XKR4: variants seen among roughly 807,000 people sequenced by gnomAD.
The protein encoded by XKR4 is XK related 4, also known as XK-related protein 4.
A neutral mutation model predicts 53.9 loss-of-function variants in XKR4; 12 were observed. The ratio of observed to expected loss-of-function variants is 0.22; its 90% CI spans 0.14 to 0.36. XKR4 has a LOEUF of 0.36. XKR4 is among the 10% of genes least tolerant of loss of function. XKR4 has a pLI of 1.00. For missense variants in XKR4, 799 were observed against 859.5 expected (o/e 0.93, Z 0.88); for synonymous variants, 354 against 362.4 (o/e 0.98, Z 0.26).
Position 55,305,735 on chromosome 8 carries a change from A to G in XKR4, c.807-51943A>G, listed in dbSNP as rs569116035. On this transcript the variant is annotated intron_variant, in intron 1 of 2. Transcript: ENST00000327381. ...TGATGTTGGGGAAATTAGCCTAATG[A>G]GGTTCTAGCAGTTCTCATTCCCAAC... Among the ~76,000 whole-genome samples, 16 of 152,284 alleles carry G rather than the reference A, an allele frequency of 1.1e-4. No individual in the cohort carries two copies. In the East Asian group the frequency reaches 3.1e-3, roughly 29 times the overall value.
chr8:55,203,976 C>A (rs948363884), intron 1 of XKR4, among the ~76,000 whole-genome samples: 5 of 152,066 alleles, frequency 3.3e-5, no homozygotes, highest in Admixed American at 3.3e-4. Flanking sequence ...TAAAGTGAAT[C>A]CATAGTAGTT....
rs1199724114 is a variant in XKR4, at chr8:55,323,980, AT to A, written c.807-33697del. Among the ~76,000 whole-genome samples the A allele has an allele frequency of 1.2e-3, 190 of 152,292 alleles. 4 individuals carry two copies. The highest frequency in any genetic ancestry group is 3.5e-3 in the African/African-American group (146 of 41,560). ...CTCTGCTTTCATTCCTCTGCTAGGA[AT>A]GTCAACCTTTTCATTTACTTAAATG... On this transcript the variant is annotated intron_variant, in intron 1 of 2. Transcript: ENST00000327381.
At chr8:55,412,507 A>G (rs115784342) in intron 2 of XKR4, among the ~76,000 whole-genome samples, 348 of 152,268 alleles carry the variant, frequency 2.3e-3, no homozygotes, top group African/African-American at 8.0e-3. Context: ...CCTTATTCCC[A>G]ACATTTGCAC....
At chr8:55,268,951 G>C (rs958781986) in intron 1 of XKR4, among the ~76,000 whole-genome samples, 1 of 152,180 alleles carries the variant, frequency 6.6e-6, no homozygotes, top group East Asian at 1.9e-4. Flanking sequence ...TTGTGCTAAA[G>C]TGTGTGCAAA....
At position 55,102,331 on chromosome 8, in the gene XKR4, G is replaced by GCGGCGGC; in HGVS notation, c.-157_-151dup. The GCGGCGGC allele has an allele frequency of 2.0e-6, 2 of 1,008,424 alleles. No homozygotes were observed. The highest frequency in any genetic ancestry group is 4.6e-4 in the Middle Eastern group (1 of 2,154). 62.5% of individuals were successfully genotyped at this position (1,008,424 alleles called of 1,614,324 possible). A position where few individuals can be genotyped will look rare whatever the true frequency, so the allele number is the denominator to read the frequency against. On this transcript the variant is annotated 5_prime_UTR_variant, in exon 1 of 3. Coordinates refer to ENST00000327381, the MANE Select transcript of XKR4 (RefSeq NM_052898.2). This position sits in a 1 kb window ranked among gnomAD's most constrained non-coding sequence, Gnocchi z 5.1. ...CAGCGCCCAGCCCGGCGGGCGGCGG[G>GCGGCGGC]CGGCGGCGGACGGCAGGCGAGCCGA...
At chr8:55,331,520 C>T (rs1020005423) in intron 1 of XKR4, among the ~76,000 whole-genome samples, 6 of 151,916 alleles carry the variant, frequency 3.9e-5, no homozygotes, top group Non-Finnish European at 8.8e-5. Flanking sequence ...TTTTTTAGTG[C>T]TCTATCCATT....
At chr8:55,511,291 A>G (rs1195446639) in intron 2 of XKR4, among the ~76,000 whole-genome samples, 3 of 152,160 alleles carry the variant, frequency 2.0e-5, no homozygotes, top group Non-Finnish European at 4.4e-5. Context: ...GTAAAAGGTG[A>G]GGTATTTTTA....
At chr8:55,133,913 T>C (rs975900957) in intron 1 of XKR4, among the ~76,000 whole-genome samples, 2 of 152,236 alleles carry the variant, frequency 1.3e-5, no homozygotes, top group African/African-American at 4.8e-5. Flanking sequence ...TAGAAGCTTC[T>C]CAGCTGTGCA....
At chr8:55,126,733 T>A (rs762595488) in intron 1 of XKR4, among the ~76,000 whole-genome samples, 6 of 152,216 alleles carry the variant, frequency 3.9e-5, no homozygotes, top group Non-Finnish European at 8.8e-5. Context: ...CTTTGGGGTC[T>A]CCCTACTGGA....
rs1807028883 is a variant in XKR4 at position 55,536,132 on chromosome 8, T to C, written c.*11905T>C. 3.9e-5 allele frequency: 6 copies of C among 152,252 alleles called. No individual in the cohort carries two copies. The South Asian group carries it at 1.0e-3, about 26-fold the overall frequency. 9.4% of individuals were successfully genotyped at this position (152,252 alleles called of 1,614,324 possible). A position where few individuals can be genotyped will look rare whatever the true frequency, so the allele number is the denominator to read the frequency against. Reference sequence around the variant, plus strand: ...ACTGGGTTTACAAGCATTAGAATCTTTCACTCATATTGTGAATCTCAATTC... The same window carrying C: ...ACTGGGTTTACAAGCATTAGAATCTCTCACTCATATTGTGAATCTCAATTC... On this transcript the variant is annotated 3_prime_UTR_variant, in exon 3 of 3. Transcript: ENST00000327381.
chr8:55,368,159 C>G (rs1279581273), intron 2 of XKR4, among the ~76,000 whole-genome samples: 1 of 152,084 alleles, frequency 6.6e-6, no homozygotes, highest in East Asian at 1.9e-4. Flanking sequence ...CGGTGTTTCA[C>G]CATGTTGGCC....
intron 1 of XKR4, among the ~76,000 whole-genome samples, chr8:55,276,892 C>T (rs1371646419): frequency 1.3e-5 from 2 of 152,104 alleles, no homozygotes; most frequent in Non-Finnish European, 2.9e-5. Flanking sequence ...TCCAGTCAGA[C>T]AAACGAAAAG....
At chr8:55,262,795 T>A (rs1487341978) in intron 1 of XKR4, among the ~76,000 whole-genome samples, 1 of 152,210 alleles carries the variant, frequency 6.6e-6, no homozygotes, top group Non-Finnish European at 1.5e-5. Flanking sequence ...CACTCTTAGA[T>A]TTCAAAGTCC....
intron 2 of XKR4, among the ~76,000 whole-genome samples, chr8:55,461,637 T>C (rs1585587071): frequency 6.6e-6 from 1 of 152,300 alleles, no homozygotes. Context: ...ATGATTTTGA[T>C]GAGTTGAGAG....
intron 2 of XKR4, chr8:55,453,899 A>G: frequency 1.7e-6 from 1 of 597,550 alleles, no homozygotes; most frequent in Admixed American, 2.1e-5. Flanking sequence ...CTCCAACACA[A>G]AGAGAGCAAA....
chr8:55,462,455 A>G (rs1316870112), intron 2 of XKR4, among the ~76,000 whole-genome samples: 12 of 152,198 alleles, frequency 7.9e-5, no homozygotes, highest in Non-Finnish European at 1.3e-4. Context: ...GGCCTGCCCT[A>G]AAAGAGCTCC....
rs1450267026 is a variant in XKR4 at position 55,104,841 on chromosome 8, T to C, written c.806+1547T>C. Among the ~76,000 whole-genome samples the C allele has an allele frequency of 2.6e-5, 4 of 152,344 alleles. No homozygotes were observed. In the East Asian group the frequency reaches 5.8e-4, roughly 22 times the overall value. Reference sequence around the variant, plus strand: ...CATGGATGACTATTGGGAAGACTTATAGCTTGATGCTCTTCAAGTATGATG... The same window carrying C: ...CATGGATGACTATTGGGAAGACTTACAGCTTGATGCTCTTCAAGTATGATG... On this transcript the variant is annotated intron_variant, in intron 1 of 2. Transcript: ENST00000327381.
chr8:55,232,574 A>T (rs1485837740), intron 1 of XKR4, among the ~76,000 whole-genome samples: 1 of 152,230 alleles, frequency 6.6e-6, no homozygotes, highest in Non-Finnish European at 1.5e-5. Flanking sequence ...TTAAATTTTT[A>T]TGAACATACA....
At chr8:55,289,056 T>C (rs1229848280) in intron 1 of XKR4, among the ~76,000 whole-genome samples, 1 of 152,188 alleles carries the variant, frequency 6.6e-6, no homozygotes, top group African/African-American at 2.4e-5. Context: ...TTTTTGTCAT[T>C]TACCTGTTCA....
Sources: gnomAD v4.1 joint callset for allele counts (sites outside exome capture counted in the v4.1 genomes callset) on GRCh38, gnomAD v4.1.1 for gene constraint, Gnocchi (gnomAD v3.1) non-coding constraint, MANE v1.5 for transcripts, NCBI Gene and HGNC (gene_info 2026-07-23, HGNC 2026-07-21) for gene names.